Variants in UBN1 observed in about 807,000 individuals in gnomAD.
UBN1 encodes the protein ubinuclein 1, also known as ubinuclein-1.
UBN1 carries 17 observed loss-of-function variants against 108.5 expected under a neutral mutation model. That is an observed-to-expected ratio of 0.16 (90% CI 0.11 to 0.24). The LOEUF (loss-of-function observed/expected upper bound fraction) is 0.24, where lower values mean the gene tolerates loss of function less well. Ranked by LOEUF, UBN1 falls within the 10% of genes least tolerant of loss-of-function variation. UBN1 has a pLI of 1.00. For missense variants in UBN1, 1,595 were observed against 1,394.4 expected (o/e 1.14, Z -2.29); for synonymous variants, 726 against 564.2 (o/e 1.29, Z -4.07).
chr16:4,860,914 A>G lies in UBN1; in HGVS notation c.922A>G (p.Met308Val), dbSNP rs1181320014. 1.2e-6 allele frequency: 2 copies of G among 1,614,126 alleles called. No homozygotes were observed. Among genetic ancestry groups the G allele is most frequent in the African/African-American group, 2.7e-5 (2 of 74,936 alleles). ...CGACTTGCTCCAGGCGGCCACTGCCATGGACTCGCTGACGGATTTGGACTT... is the reference window on the plus strand; with the variant it reads ...CGACTTGCTCCAGGCGGCCACTGCCGTGGACTCGCTGACGGATTTGGACTT... The part of the protein sequence containing the change: ...DNDLLQAATA[M>V]DSLTDLDLEH... Residue 308 changes from methionine to valine, a missense_variant, in exon 7 of 18, where the codon ATG (methionine) becomes GTG (valine). By Grantham distance (21) the Met-to-Val change is conservative. Transcript: ENST00000262376.
At position 4,853,146 on chromosome 16, in the gene UBN1, G is replaced by C. The variant is rs763446498; in HGVS notation, c.229G>C (p.Gly77Arg). The change falls in exon 2 of 18, where the codon GGC (glycine) becomes CGC (arginine). Residue 77 changes from glycine to arginine, a missense_variant. Coordinates refer to ENST00000262376, the MANE Select transcript of UBN1 (RefSeq NM_001079514.3). The stretch of plus-strand genomic sequence containing the variant: ...GAAGAATATCCGAGGGAAGGTAAAA[G>C]GCCTTCAGCCTGGAGATAAGGTACA... ...LVKNIRGKVKGLQPGDKKKDL... is the reference protein window; with the variant it reads ...LVKNIRGKVKRLQPGDKKKDL... The C allele has an allele frequency of 3.1e-6, 5 of 1,614,084 alleles. No individual in the cohort carries two copies. In the African/African-American group the frequency reaches 6.7e-5, roughly 22 times the overall value.
chr16:4,848,943 A>G (rs1470231725), intron 1 of UBN1, among the ~76,000 whole-genome samples: 2 of 152,156 alleles, frequency 1.3e-5, no homozygotes, highest in African/African-American at 4.8e-5. Flanking sequence ...CTCTACTAAA[A>G]ATACAAAATT....
At chr16:4,854,973 C>T (rs1403950846) in intron 2 of UBN1, among the ~76,000 whole-genome samples, 2 of 152,100 alleles carry the variant, frequency 1.3e-5, no homozygotes, top group Non-Finnish European at 2.9e-5. Flanking sequence ...CCGCCCGTCT[C>T]TGCCTCCCAA....
chr16:4,867,265 C>G (rs2087380123), intron 7 of UBN1, among the ~76,000 whole-genome samples: 1 of 152,174 alleles, frequency 6.6e-6, no homozygotes, highest in African/African-American at 2.4e-5. Flanking sequence ...GTTTGCAAAC[C>G]AGAGGGTCAT....
At position 4,875,329 on chromosome 16, in the gene UBN1, A is replaced by G. The variant is rs2087828527; in HGVS notation, c.2919A>G (p.Pro973=). ...KLTLVAPPGG[P]NGDSSGGTQG... is the part of the protein sequence containing the mutation. Reference sequence around the variant, plus strand: ...CTCTGGTAGCCCCTCCAGGCGGTCCAAACGGAGATTCCAGTGGTGGGACCC... The same window carrying G: ...CTCTGGTAGCCCCTCCAGGCGGTCCGAACGGAGATTCCAGTGGTGGGACCC... Residue 973 remains proline (P), a synonymous_variant, in exon 15 of 18, where the codon CCA becomes CCG. Transcript: ENST00000262376. The G allele has an allele frequency of 1.9e-6, 3 of 1,614,116 alleles. No individual in the cohort carries two copies. Among genetic ancestry groups the G allele is most frequent in the Admixed American group, 1.7e-5 (1 of 60,006 alleles).
At position 4,870,278 on chromosome 16, in the gene UBN1, A is replaced by G; in HGVS notation, c.1248A>G (p.Ser416=). 6.2e-7 allele frequency: 1 copy of G among 1,614,186 alleles called. No individual in the cohort carries two copies. The highest frequency in any genetic ancestry group is 8.5e-7 in the Non-Finnish European group (1 of 1,180,046). ...CTGGGGTGTATGCCTATCTTGCGTC[A>G]TTCCTGCCCTGCAGCAAGGATGCCC... ...VRSGVYAYLA[S]FLPCSKDALL... The change falls in exon 9 of 18, where the codon TCA becomes TCG. Residue 416 remains serine, a synonymous_variant. Coordinates refer to ENST00000262376, the MANE Select transcript of UBN1 (RefSeq NM_001079514.3).
chr16:4,854,939 G>T (rs1277135741), intron 2 of UBN1, among the ~76,000 whole-genome samples: 2 of 151,772 alleles, frequency 1.3e-5, no homozygotes, highest in Non-Finnish European at 2.9e-5. Flanking sequence ...AGCCAGGATG[G>T]TCTCGATCTC....
At chr16:4,855,026 A>G (rs747554088) in intron 2 of UBN1, among the ~76,000 whole-genome samples, 4 of 152,072 alleles carry the variant, frequency 2.6e-5, no homozygotes, top group East Asian at 1.9e-4. Context: ...CTGGCCCGTG[A>G]AAAGCATTTT....
chr16:4,877,630 G>GA lies in UBN1; in HGVS notation c.3355+156_3355+157insA, dbSNP rs2087947391. 7.3e-7 allele frequency: 1 copy of GA among 1,367,716 alleles called. No individual in the cohort carries two copies. Among genetic ancestry groups the GA allele is most frequent in the Non-Finnish European group, 9.4e-7 (1 of 1,063,056 alleles). 84.7% of individuals were successfully genotyped at this position (1,367,716 alleles called of 1,614,324 possible). Reference sequence around the variant, plus strand: ...AGGCTGTGCTTTGTCAGTACTCAGGGTGACACGCACTTCTACTCTTGGGGT... The same window carrying GA: ...AGGCTGTGCTTTGTCAGTACTCAGGGATGACACGCACTTCTACTCTTGGGGT... On this transcript the variant is annotated intron_variant, in intron 17 of 17. Transcript: ENST00000262376. The surrounding 1 kb of genome is among the most constrained non-coding windows in gnomAD (Gnocchi z 4.3).
At chr16:4,871,100 C>T in intron 11 of UBN1, 55 bp from the exon 12 acceptor site, 1 of 1,609,030 alleles carries the variant, frequency 6.2e-7, no homozygotes, top group Non-Finnish European at 8.5e-7. Flanking sequence ...ATGATTGGAA[C>T]CTTGGAGCAG....
intron 2 of UBN1, 30 bp from the exon 3 acceptor site, chr16:4,857,960 C>G: frequency 6.6e-7 from 1 of 1,518,018 alleles, no homozygotes; most frequent in Non-Finnish European, 9.1e-7. Context: ...TATTTTCTGA[C>G]TTATTTTTTG....
In UBN1 at chr16:4,877,856, A is replaced by T; in HGVS notation, c.3355+382A>T. The T allele has an allele frequency of 2.0e-6, 2 of 999,952 alleles. No individual in the cohort carries two copies. Among genetic ancestry groups the T allele is most frequent in the Non-Finnish European group, 2.4e-6 (2 of 839,518 alleles). The allele number at this position is 999,952 out of a possible 1,614,324, so 61.9% of individuals were successfully genotyped here. A position where few individuals can be genotyped will look rare whatever the true frequency, so the allele number is the denominator to read the frequency against. On this transcript the variant is annotated intron_variant, in intron 17 of 17. Coordinates refer to ENST00000262376, the MANE Select transcript of UBN1 (RefSeq NM_001079514.3). This position sits in a 1 kb window ranked among gnomAD's most constrained non-coding sequence, Gnocchi z 4.3. ...TCTTCTCCAAGGGCTAATTGGGTAC[A>T]ACAAGGTCTTGGAATGCAAGCTGCT... is the stretch of plus-strand genomic sequence containing the variant.
rs766395356 is a variant in UBN1, at chr16:4,875,188, G to C, written c.2778G>C (p.Gln926His). The C allele has an allele frequency of 1.2e-6, 2 of 1,614,236 alleles. No individual in the cohort carries two copies. Among genetic ancestry groups the C allele is most frequent in the South Asian group, 2.2e-5 (2 of 91,090 alleles). Residue 926 changes from glutamine (Q) to histidine (H), a missense_variant, in exon 15 of 18, where the codon CAG (glutamine) becomes CAC (histidine). Physicochemically the swap from Gln to His is conservative, Grantham distance 24 (BLOSUM62 0). Around this residue, in one of 3 missense-constraint regions of UBN1, gnomAD observed 1,398 missense variants for 1,194.7 expected, o/e 1.17. Coordinates refer to ENST00000262376, the MANE Select transcript of UBN1 (RefSeq NM_001079514.3). ...GSSSSGGTPV[Q>H]SSVSGSLVPG... is the part of the protein sequence containing the mutation. The stretch of plus-strand genomic sequence containing the variant: ...CTTCCTCGGGAGGAACACCAGTCCA[G>C]AGTTCTGTTTCTGGGAGCCTGGTCC...
chr16:4,862,413 G>A (rs2087110368), intron 7 of UBN1, among the ~76,000 whole-genome samples: 1 of 152,224 alleles, frequency 6.6e-6, no homozygotes, highest in Non-Finnish European at 1.5e-5. Flanking sequence ...TGATTTAAGT[G>A]AATTGTACCA....
intron 7 of UBN1, among the ~76,000 whole-genome samples, chr16:4,867,591 G>A (rs1442157376): frequency 6.6e-6 from 1 of 152,188 alleles, no homozygotes; most frequent in Non-Finnish European, 1.5e-5. Flanking sequence ...AGATTTGAGT[G>A]TACAATTGTC....
At chr16:4,874,059 G>T in intron 14 of UBN1, 152 bp from the exon 15 acceptor site, 2 of 977,782 alleles carry the variant, frequency 2.0e-6, no homozygotes, top group Non-Finnish European at 2.9e-6. Flanking sequence ...GTCAAGGCGG[G>T]CACAGCTCCT....
At chr16:4,872,208 G>A (rs1002541649) in intron 12 of UBN1, 1 of 985,228 alleles carries the variant, frequency 1.0e-6, no homozygotes, top group Admixed American at 6.2e-5. Flanking sequence ...TACGAAGAAC[G>A]TTTTTGTTGA....
chr16:4,874,100 A>G, intron 14 of UBN1, 111 bp from the exon 15 acceptor site: 1 of 1,357,100 alleles, frequency 7.4e-7, no homozygotes, highest in Non-Finnish European at 9.9e-7. Context: ...TTGTAATTAT[A>G]CAGGAAGGCC....
Position 4,874,966 on chromosome 16 carries a change from G to T in UBN1, c.2556G>T (p.Gln852His), listed in dbSNP as rs2087810819. 6.2e-7 allele frequency: 1 copy of T among 1,614,152 alleles called. No homozygotes were observed. Among genetic ancestry groups the T allele is most frequent in the African/African-American group, 1.3e-5 (1 of 75,070 alleles). Residue 852 changes from glutamine to histidine, a missense_variant, in exon 15 of 18, where the codon CAG becomes CAT. Gln to His is a conservative substitution (Grantham distance 24). Transcript: ENST00000262376. ...TAGTGAAGACAGCGGCCAAAGGCCAGGGCTTCCATCCCTCTGCACCAGCCA... is the reference window on the plus strand; with the variant it reads ...TAGTGAAGACAGCGGCCAAAGGCCATGGCTTCCATCCCTCTGCACCAGCCA... ...LQLVKTAAKG[Q>H]GFHPSAPATS...
Sources: gnomAD v4.1 joint callset for allele counts (sites outside exome capture counted in the v4.1 genomes callset) on GRCh38, gnomAD v4.1.1 for gene constraint, gnomAD v4.1.1 regional missense constraint, Gnocchi (gnomAD v3.1) non-coding constraint, MANE v1.5 for transcripts, NCBI Gene and HGNC (gene_info 2026-07-23, HGNC 2026-07-21) for gene names.